BRINP3: variants seen among roughly 807,000 people sequenced by gnomAD.
BRINP3 encodes BMP/retinoic acid-inducible neural-specific protein 3.
BRINP3 carries 19 observed loss-of-function variants against 71.0 expected under a neutral mutation model. That is an observed-to-expected ratio of 0.27 (90% CI 0.19 to 0.39). The LOEUF (loss-of-function observed/expected upper bound fraction) is 0.39. BRINP3 is among the 10% of genes least tolerant of loss of function. BRINP3 has a pLI of 1.00. For missense variants in BRINP3, 959 were observed against 940.8 expected (o/e 1.02, Z -0.25); for synonymous variants, 380 against 337.7 (o/e 1.13, Z -1.37).
At chr1:190,111,198 A>AAAAAAC (rs1553241578) in intron 7 of BRINP3, among the ~76,000 whole-genome samples, 6 of 150,510 alleles carry the variant, frequency 4.0e-5, no homozygotes, top group African/African-American at 1.5e-4. Flanking sequence ...AAAAAAAAAA[A>AAAAAAC]AAAAAAAAAA....
chr1:190,229,170 C>A (rs1309667910), intron 5 of BRINP3, among the ~76,000 whole-genome samples: 3 of 152,042 alleles, frequency 2.0e-5, no homozygotes, highest in Non-Finnish European at 4.4e-5. Flanking sequence ...TATGGTTTGG[C>A]TCTGTGTCCC....
Position 190,323,356 on chromosome 1 carries a change from G to T in BRINP3, c.237-41606C>A, listed in dbSNP as rs111698996. Among the ~76,000 whole-genome samples the T allele has an allele frequency of 5.3e-3, 813 of 151,996 alleles. 7 individuals carry two copies. Among genetic ancestry groups the T allele is most frequent in the African/African-American group, 0.018 (764 of 41,518 alleles). Reference sequence around the variant, plus strand: ...CTCAAAAAATGTTGCATACCAAAATGATGACTTGATTTTCAAATATAGTTG... The same window carrying T: ...CTCAAAAAATGTTGCATACCAAAATTATGACTTGATTTTCAAATATAGTTG... On this transcript the variant is annotated intron_variant, in intron 2 of 7. Coordinates refer to ENST00000367462, the MANE Select transcript of BRINP3 (RefSeq NM_199051.3).
chr1:190,367,205 T>C lies in BRINP3; in HGVS notation c.237-85455A>G, dbSNP rs559318824. On this transcript the variant is annotated intron_variant, in intron 2 of 7. Coordinates refer to ENST00000367462, the MANE Select transcript of BRINP3 (RefSeq NM_199051.3). The stretch of plus-strand genomic sequence containing the variant: ...CTAGACATGCAGGCATTTCCACACA[T>C]TCTCTGAAATCTAGGCAGAGGTTCC... Among the ~76,000 whole-genome samples, 79 of 152,312 alleles carry C rather than the reference T, an allele frequency of 5.2e-4. 1 individual carries two copies. In the South Asian group the frequency reaches 0.016, roughly 31 times the overall value.
intron 4 of BRINP3, among the ~76,000 whole-genome samples, chr1:190,243,970 T>A (rs1310483407): frequency 6.6e-6 from 1 of 152,112 alleles, no homozygotes; most frequent in Admixed American, 6.6e-5. Flanking sequence ...ATTGTCACTG[T>A]CTCTCATCAC....
At chr1:190,455,060 A>T in intron 1 of BRINP3, 120 bp from the exon 2 acceptor site, 1 of 532,982 alleles carries the variant, frequency 1.9e-6, no homozygotes, top group Non-Finnish European at 3.3e-6. Flanking sequence ...TAGTATTATC[A>T]GCAGATAATA....
chr1:190,399,236 C>A (rs1294686761), intron 2 of BRINP3, among the ~76,000 whole-genome samples: 1 of 151,784 alleles, frequency 6.6e-6, no homozygotes, highest in South Asian at 2.1e-4. Context: ...AAATGAAAAA[C>A]AAATATCCAC....
intron 2 of BRINP3, among the ~76,000 whole-genome samples, chr1:190,330,110 G>A (rs1666868535): frequency 6.6e-6 from 1 of 151,820 alleles, no homozygotes; most frequent in African/African-American, 2.4e-5. Flanking sequence ...AAAAGCAATT[G>A]AAACAAAAAT....
chr1:190,394,924 C>T (rs1161128496), intron 2 of BRINP3, among the ~76,000 whole-genome samples: 3 of 151,528 alleles, frequency 2.0e-5, no homozygotes, highest in East Asian at 1.9e-4. Flanking sequence ...TGCACCATTT[C>T]GGAGGTATTT....
chr1:190,337,891 T>A (rs1667395416), intron 2 of BRINP3, among the ~76,000 whole-genome samples: 1 of 152,068 alleles, frequency 6.6e-6, no homozygotes, highest in Admixed American at 6.6e-5. Context: ...TTGTTGTTGT[T>A]CTGTGTTTTT....
chr1:190,250,015 G>A lies in BRINP3; in HGVS notation c.618+14850C>T, dbSNP rs796067726. Among the ~76,000 whole-genome samples, 10 of 151,932 alleles carry A rather than the reference G, an allele frequency of 6.6e-5. No individual in the cohort carries two copies. The East Asian group carries it at 1.9e-3, about 29-fold the overall frequency. On this transcript the variant is annotated intron_variant, in intron 4 of 7. Transcript: ENST00000367462. Reference sequence around the variant, plus strand: ...TAAATTAGATAGAAAATGGATATAGGACAAATATCAAATTAGTGTAGCATT... The same window carrying A: ...TAAATTAGATAGAAAATGGATATAGAACAAATATCAAATTAGTGTAGCATT...
chr1:190,426,134 G>A (rs954792907), intron 2 of BRINP3, among the ~76,000 whole-genome samples: 12 of 151,782 alleles, frequency 7.9e-5, no homozygotes, highest in African/African-American at 2.4e-4. Context: ...TTTTGGAAAC[G>A]TGTAATGAAA....
chr1:190,302,664 G>C (rs972603287), intron 2 of BRINP3: 2 of 151,674 alleles, frequency 1.3e-5, no homozygotes, highest in East Asian at 3.9e-4. Context: ...TGGCTTACTT[G>C]TTTCTGCTCA....
chr1:190,164,708 G>A (rs144966679), intron 6 of BRINP3, among the ~76,000 whole-genome samples: 3 of 151,640 alleles, frequency 2.0e-5, no homozygotes, highest in East Asian at 3.9e-4. Flanking sequence ...CTCCGGCCTC[G>A]TCCACTCCAG....
chr1:190,147,514 T>A (rs1026868431), intron 7 of BRINP3, among the ~76,000 whole-genome samples: 1 of 152,194 alleles, frequency 6.6e-6, no homozygotes, highest in South Asian at 2.1e-4. Context: ...AAATATCAAT[T>A]CACTAAGCAG....
intron 2 of BRINP3, among the ~76,000 whole-genome samples, chr1:190,346,859 G>C (rs1343051779): frequency 6.6e-6 from 1 of 151,858 alleles, no homozygotes; most frequent in Non-Finnish European, 1.5e-5. Context: ...CTGTTCATTT[G>C]GATATCTTCC....
chr1:190,202,635 G>C (rs1002255594), intron 6 of BRINP3, among the ~76,000 whole-genome samples: 4 of 152,104 alleles, frequency 2.6e-5, no homozygotes, highest in African/African-American at 9.7e-5. Flanking sequence ...GGGGATGATT[G>C]AATCATTGGG....
At chr1:190,199,771 G>GAAAAAAAAAAAAAAAAAAAAAAA (rs35752025) in intron 6 of BRINP3, among the ~76,000 whole-genome samples, 2 of 123,518 alleles carry the variant, frequency 1.6e-5, no homozygotes, top group African/African-American at 5.9e-5. Flanking sequence ...CAAGGCATAG[G>GAAAAAAAAAAAAAAAAAAAAAAA]AAAAAAAAAA....
intron 2 of BRINP3, among the ~76,000 whole-genome samples, chr1:190,398,155 A>G (rs188208845): frequency 7.9e-5 from 12 of 152,116 alleles, no homozygotes; most frequent in Non-Finnish European, 1.8e-4. Flanking sequence ...GAGGGTAGCT[A>G]AATGATCCTA....
At chr1:190,252,324 G>A (rs1660222943) in intron 4 of BRINP3, among the ~76,000 whole-genome samples, 1 of 152,042 alleles carries the variant, frequency 6.6e-6, no homozygotes, top group Admixed American at 6.6e-5. Flanking sequence ...AGACCATGAT[G>A]TAGAATATAC....
Sources: allele counts gnomAD v4.1 joint callset (sites outside exome capture counted in the v4.1 genomes callset), GRCh38; gene constraint gnomAD v4.1.1; transcripts MANE v1.5; gene names NCBI Gene and HGNC (gene_info 2026-07-23, HGNC 2026-07-21).